The following PLA2G5 variants were observed in gnomAD, a reference collection of about 807,000 sequenced individuals.
PLA2G5 encodes the protein phospholipase A2 group V.
PLA2G5 carries 12 observed loss-of-function variants against 15.9 expected under a neutral mutation model. The observed-to-expected ratio is 0.76, with a 90% CI of 0.48 to 1.23. PLA2G5 has a LOEUF of 1.23. PLA2G5 is among the 50% of genes most tolerant of loss of function. The probability of loss-of-function intolerance (pLI) is 0.00; values close to 1 mark genes in which losing one functional copy is unlikely to be tolerated. For synonymous variants in PLA2G5, 71 were observed against 71.4 expected (o/e 0.99, Z 0.03); for missense variants, 169 against 177.1 (o/e 0.95, Z 0.26).
Position 20,080,850 on chromosome 1 carries a change from G to C in PLA2G5, c.-10-3971G>C, listed in dbSNP as rs112325256. On this transcript the variant is annotated intron_variant, in intron 1 of 4. Coordinates refer to ENST00000375108, the MANE Select transcript of PLA2G5 (RefSeq NM_000929.3). ...CTGCTTTGCCTGAGGGAGGTGCAGA[G>C]AGCAGGGCCGAGAGAGGGGCTATGA... Among the ~76,000 whole-genome samples the C allele has an allele frequency of 6.3e-4, 95 of 151,962 alleles. 4 individuals carry two copies. Among genetic ancestry groups the C allele is most frequent in the Middle Eastern group, 6.8e-3 (2 of 294 alleles).
intron 1 of PLA2G5, among the ~76,000 whole-genome samples, chr1:20,072,936 T>C (rs1470375564): frequency 6.6e-6 from 1 of 152,134 alleles, no homozygotes; most frequent in Non-Finnish European, 1.5e-5. Context: ...TTGCATTTGG[T>C]CCTCGTAGTG....
intron 3 of PLA2G5, among the ~76,000 whole-genome samples, chr1:20,088,606 T>A (rs11573279): frequency 0.32 from 49,048 of 151,920 alleles, 8,965 homozygotes; most frequent in Middle Eastern, 0.42. Context: ...AGGAACTGGG[T>A]GTTTCCTCTG....
chr1:20,090,427 A>G lies in PLA2G5; in HGVS notation c.293-141A>G, dbSNP rs191035371. On this transcript the variant is annotated intron_variant, in intron 4 of 4. Coordinates refer to ENST00000375108, the MANE Select transcript of PLA2G5 (RefSeq NM_000929.3). Reference sequence around the variant, plus strand: ...GAGCAGCAGCTGTGCCCCTTCCATCAGATTCTCTATTCCCCCGATTTAGGA... The same window carrying G: ...GAGCAGCAGCTGTGCCCCTTCCATCGGATTCTCTATTCCCCCGATTTAGGA... 991 of 818,908 alleles carry G rather than the reference A, an allele frequency of 1.2e-3. 15 individuals carry two copies. Among genetic ancestry groups the G allele is most frequent in the Non-Finnish European group, 6.1e-5 (30 of 491,694 alleles). The allele number at this position is 818,908 out of a possible 1,614,324, so 50.7% of individuals were successfully genotyped here.
chr1:20,048,970 G>A (rs1035194125), intron 1 of PLA2G5, among the ~76,000 whole-genome samples: 4 of 152,002 alleles, frequency 2.6e-5, no homozygotes, highest in African/African-American at 7.2e-5. Context: ...AAAAAGTTGT[G>A]TTCTTTTTAA....
chr1:20,036,571 G>A (rs1035623216), intron 1 of PLA2G5, among the ~76,000 whole-genome samples: 1 of 152,036 alleles, frequency 6.6e-6, no homozygotes, highest in African/African-American at 2.4e-5. Context: ...CTGTAAGTGT[G>A]TCTTTTATTT....
intron 1 of PLA2G5, among the ~76,000 whole-genome samples, chr1:20,073,021 C>T (rs3767224): frequency 0.34 from 51,297 of 151,974 alleles, 9,640 homozygotes; most frequent in Middle Eastern, 0.44. Flanking sequence ...GCAGGTGGAG[C>T]GGCCTTGAAT....
chr1:20,064,548 CT>C (rs2100491329), intron 2 of PLA2G5, among the ~76,000 whole-genome samples: 1 of 150,708 alleles, frequency 6.6e-6, no homozygotes, highest in Non-Finnish European at 1.5e-5. Context: ...GTACTTTAGC[CT>C]GGGTGACAGA....
intron 1 of PLA2G5, among the ~76,000 whole-genome samples, chr1:20,047,303 A>G (rs2013957424): frequency 6.6e-6 from 1 of 152,102 alleles, no homozygotes; most frequent in African/African-American, 2.4e-5. Flanking sequence ...GCAAGCACAC[A>G]TTGATCCACC....
rs10916704 is a variant in PLA2G5 at position 20,074,498 on chromosome 1, G to T, written c.-11+4033G>T. Among the ~76,000 whole-genome samples, 2,935 of 152,304 alleles carry T rather than the reference G, an allele frequency of 0.019. 192 individuals carry two copies. The East Asian group carries it at 0.21, about 11-fold the overall frequency. On this transcript the variant is annotated intron_variant, in intron 1 of 4. Coordinates refer to ENST00000375108, the MANE Select transcript of PLA2G5 (RefSeq NM_000929.3). ...GAACCGAGGCTTCATAACTGACGAA[G>T]CTGACTTCATGAGCTTTGACAGATC... is the stretch of plus-strand genomic sequence containing the variant.
chr1:20,029,141 T>C (rs1403983091), intron 1 of PLA2G5, among the ~76,000 whole-genome samples: 3 of 152,200 alleles, frequency 2.0e-5, no homozygotes, highest in Non-Finnish European at 4.4e-5. Context: ...ATGCAAGGTT[T>C]TACTGAGTGG....
At chr1:20,030,764 G>C (rs140448438) in intron 1 of PLA2G5, among the ~76,000 whole-genome samples, 2 of 152,138 alleles carry the variant, frequency 1.3e-5, no homozygotes, top group African/African-American at 4.8e-5. Context: ...CTAGAGAATG[G>C]TGATGACTTT....
At chr1:20,075,410 C>G (rs543822244) in intron 1 of PLA2G5, among the ~76,000 whole-genome samples, 1 of 152,334 alleles carries the variant, frequency 6.6e-6, no homozygotes, top group South Asian at 2.1e-4. Flanking sequence ...TTAAAAATAA[C>G]CAGTATTTAT....
chr1:20,041,805 A>G (rs2013616131), intron 1 of PLA2G5, among the ~76,000 whole-genome samples: 1 of 152,120 alleles, frequency 6.6e-6, no homozygotes, highest in African/African-American at 2.4e-5. Flanking sequence ...GTGGGGGAGT[A>G]GGTGGGAGTG....
intron 1 of PLA2G5, among the ~76,000 whole-genome samples, chr1:20,049,456 T>G (rs1015487020): frequency 1.3e-5 from 2 of 152,164 alleles, no homozygotes; most frequent in African/African-American, 4.8e-5. Context: ...AACCCTGATA[T>G]GATTTGGCTC....
In PLA2G5 at chr1:20,070,202, G is replaced by A; in HGVS notation, c.-274G>A. 1.0e-6 allele frequency: 1 copy of A among 985,512 alleles called. No individual in the cohort carries two copies. The highest frequency in any genetic ancestry group is 1.2e-6 in the Non-Finnish European group (1 of 830,000). The allele number at this position is 985,512 out of a possible 1,614,324, so 61.0% of individuals were successfully genotyped here. A position where few individuals can be genotyped will look rare whatever the true frequency, so the allele number is the denominator to read the frequency against. Reference sequence around the variant, plus strand: ...CCTGCCTCTGCAAAGGCAGTCGGGGGCTGAGCAGGGTTCTACCCGGCTGGG... The same window carrying A: ...CCTGCCTCTGCAAAGGCAGTCGGGGACTGAGCAGGGTTCTACCCGGCTGGG... On this transcript the variant is annotated 5_prime_UTR_variant, in exon 1 of 5. Coordinates refer to ENST00000375108, the MANE Select transcript of PLA2G5 (RefSeq NM_000929.3).
At chr1:20,074,556 AGATT>A (rs2015568016) in intron 1 of PLA2G5, among the ~76,000 whole-genome samples, 1 of 152,208 alleles carries the variant, frequency 6.6e-6, no homozygotes, top group South Asian at 2.1e-4. Context: ...CAACACTTAA[AGATT>A]AAGTTCCTTT....
intron 1 of PLA2G5, among the ~76,000 whole-genome samples, chr1:20,050,903 A>G (rs2014148276): frequency 6.6e-6 from 1 of 152,124 alleles, no homozygotes; most frequent in Non-Finnish European, 1.5e-5. Context: ...AAATGACATA[A>G]TTTTGCTTAT....
chr1:20,064,580 A>AG (rs1282930137), intron 2 of PLA2G5, among the ~76,000 whole-genome samples: 1 of 150,890 alleles, frequency 6.6e-6, no homozygotes, highest in African/African-American at 2.4e-5. Context: ...ATCTCAAAAA[A>AG]GGAAAAAAAA....
At chr1:20,033,002 T>C (rs924009115) in intron 1 of PLA2G5, among the ~76,000 whole-genome samples, 4 of 152,212 alleles carry the variant, frequency 2.6e-5, no homozygotes, top group Non-Finnish European at 5.9e-5. Flanking sequence ...CTTTTGTAGT[T>C]AGAAAACCCC....
Sources: gnomAD v4.1 joint callset for allele counts (sites outside exome capture counted in the v4.1 genomes callset) on GRCh38, gnomAD v4.1.1 for gene constraint, MANE v1.5 for transcripts, NCBI Gene and HGNC (gene_info 2026-07-23, HGNC 2026-07-21) for gene names.